The following WNK2 variants were observed in gnomAD, a reference collection of about 807,000 sequenced individuals.
WNK2 encodes WNK lysine deficient protein kinase 2.
Under a neutral mutation model 192.1 loss-of-function variants are expected in WNK2, and 67 were observed. That is an observed-to-expected ratio of 0.35 (90% CI 0.29 to 0.43). The LOEUF (loss-of-function observed/expected upper bound fraction) is 0.43, where lower values mean the gene tolerates loss of function less well. WNK2 is among the 20% of genes least tolerant of loss of function. The pLI is 1.00. For synonymous variants in WNK2, 1,439 were observed against 1,393.9 expected, an observed-to-expected ratio of 1.03 and a Z score of -0.72; for missense variants, 2,698 against 3,089.7, an observed-to-expected ratio of 0.87 and a Z score of 3.01.
chr9:93,263,680 G>A lies in WNK2; in HGVS notation c.3525G>A (p.Thr1175=), dbSNP rs116059211. The A allele has an allele frequency of 7.9e-4, 1,250 of 1,575,518 alleles. 15 individuals are homozygous for A. In the African/African-American group the frequency reaches 0.015, roughly 19 times the overall value. ...RAARKHHRRS[T]RARSRQERAS... ...CCCGAAAACACCACCGCAGGTCCAC[G>A]CGTGCGCGCTCCCGGCAGGAGAGGG... Residue 1175 remains threonine, a synonymous_variant, in exon 15 of 30, where the codon ACG becomes ACA. Transcript: ENST00000427277.
intron 27 of WNK2, 114 bp downstream of exon 27, chr9:93,306,935 C>T: frequency 7.6e-7 from 1 of 1,321,154 alleles, no homozygotes; most frequent in Non-Finnish European, 1.1e-6. Context: ...CTGTGCCTGC[C>T]CCGCGCCTGC....
intron 19 of WNK2, 133 bp downstream of exon 19, chr9:93,268,879 G>C: frequency 2.5e-6 from 4 of 1,572,022 alleles, no homozygotes; most frequent in Non-Finnish European, 3.5e-6. Flanking sequence ...CTCCCATGGC[G>C]CAGAGCAGCC....
intron 13 of WNK2, 46 bp downstream of exon 13, chr9:93,262,153 G>A: frequency 6.5e-7 from 1 of 1,529,796 alleles, no homozygotes; most frequent in Non-Finnish European, 8.8e-7. Flanking sequence ...GGCAGTTGCG[G>A]CCACCGGGGA....
At position 93,214,712 on chromosome 9, in the gene WNK2, G is replaced by A. The variant is rs978541555; in HGVS notation, c.682-14984G>A. On this transcript the variant is annotated intron_variant, in intron 2 of 29. Coordinates refer to ENST00000427277, the MANE Select transcript of WNK2 (RefSeq NM_006648.4). ...TGAAGGTAGTGCCCCCCCCCCCCCC[G>A]CCCTCTCTTTGCTGAGTTTAAGATA... is the stretch of plus-strand genomic sequence containing the variant. Among the ~76,000 whole-genome samples the A allele has an allele frequency of 1.8e-3, 91 of 50,562 alleles. 2 individuals are homozygous for A. The highest frequency in any genetic ancestry group is 0.027 in the Middle Eastern group (2 of 74). 33.2% of individuals were successfully genotyped at this position (50,562 alleles called of 152,430 possible). A position where few individuals can be genotyped will look rare whatever the true frequency, so the allele number is the denominator to read the frequency against.
In WNK2 at chr9:93,263,687, C is replaced by T. The variant is rs746795514; in HGVS notation, c.3532C>T (p.Arg1178Cys). 14 of 1,564,350 alleles carry T rather than the reference C, an allele frequency of 8.9e-6. No individual in the cohort carries two copies. Among genetic ancestry groups the T allele is most frequent in the Middle Eastern group, 1.7e-4 (1 of 5,998 alleles). Residue 1178 changes from arginine (R) to cysteine (C), a missense_variant, in exon 15 of 30, where the codon CGC (arginine) becomes TGC (cysteine). Coordinates refer to ENST00000427277, the MANE Select transcript of WNK2 (RefSeq NM_006648.4). ...ACACCACCGCAGGTCCACGCGTGCG[C>T]GCTCCCGGCAGGAGAGGGCCAGCCG... is the stretch of plus-strand genomic sequence containing the variant. ...RKHHRRSTRA[R>C]SRQERASRPR...
chr9:93,196,866 T>C (rs1350209934), intron 2 of WNK2, among the ~76,000 whole-genome samples: 2 of 152,194 alleles, frequency 1.3e-5, no homozygotes, highest in African/African-American at 2.4e-5. Context: ...ACTGTCAGTG[T>C]CTGTGTGTGC....
intron 7 of WNK2, among the ~76,000 whole-genome samples, chr9:93,244,527 AG>A (rs1243175923): frequency 3.9e-5 from 6 of 152,240 alleles, no homozygotes; most frequent in Non-Finnish European, 5.9e-5. Context: ...GACAGTCTCA[AG>A]GGAAAATGGG....
Position 93,253,069 on chromosome 9 carries a change from A to C in WNK2, c.2021A>C (p.Gln674Pro). Reference protein sequence around the residue: ...QSLPSLGAYQQPTAAPGLPVG... With the variant: ...QSLPSLGAYQPPTAAPGLPVG... ...CTGCCCTCGCTGGGGGCCTACCAGC[A>C]GCCCACGGCTGCAGTGAGTCAGAGC... is the stretch of plus-strand genomic sequence containing the variant. Residue 674 changes from glutamine (Q) to proline (P), a missense_variant, in exon 9 of 30, where the codon CAG becomes CCG. This residue lies in a region of WNK2 where 893 missense variants were observed against 909.0 expected (regional missense o/e 0.98). Coordinates refer to ENST00000427277, the MANE Select transcript of WNK2 (RefSeq NM_006648.4). 6.8e-7 allele frequency: 1 copy of C among 1,480,192 alleles called. No individual in the cohort carries two copies. The highest frequency in any genetic ancestry group is 2.6e-5 in the East Asian group (1 of 37,882). The allele number at this position is 1,480,192 out of a possible 1,614,324, so 91.7% of individuals were successfully genotyped here. A position where few individuals can be genotyped will look rare whatever the true frequency, so the allele number is the denominator to read the frequency against.
intron 23 of WNK2, 91 bp downstream of exon 23, chr9:93,293,264 T>C: frequency 2.3e-6 from 3 of 1,282,438 alleles, no homozygotes; most frequent in Non-Finnish European, 3.0e-6. Context: ...GGGGCTGAAG[T>C]CCTGGCCAAG....
chr9:93,271,119 G>A (rs936066274), intron 19 of WNK2, among the ~76,000 whole-genome samples: 1 of 152,184 alleles, frequency 6.6e-6, no homozygotes, highest in Non-Finnish European at 1.5e-5. Flanking sequence ...GGGCAACTGA[G>A]CTAATGAGTA....
intron 14 of WNK2, 136 bp from the exon 15 acceptor site, chr9:93,263,430 C>T (rs1465580619): frequency 4.1e-6 from 4 of 983,578 alleles, no homozygotes; most frequent in Non-Finnish European, 5.5e-6. Context: ...GGTATTCGCA[C>T]AGGACGGGCT....
At chr9:93,204,893 C>T (rs1227453635) in intron 2 of WNK2, among the ~76,000 whole-genome samples, 3 of 152,184 alleles carry the variant, frequency 2.0e-5, no homozygotes, top group African/African-American at 7.2e-5. Context: ...CCCTGTCCTG[C>T]CTGGCCCTGG....
chr9:93,305,325 G>A (rs896306983), intron 26 of WNK2, among the ~76,000 whole-genome samples: 5 of 152,138 alleles, frequency 3.3e-5, no homozygotes, highest in Non-Finnish European at 7.4e-5. Flanking sequence ...GACTTCAGGG[G>A]CCCCTCCTGC....
At chr9:93,304,138 A>G (rs1470596252) in intron 26 of WNK2, among the ~76,000 whole-genome samples, 1 of 152,192 alleles carries the variant, frequency 6.6e-6, no homozygotes, top group African/African-American at 2.4e-5. Context: ...ACACACCCTC[A>G]GTTTGAATCC....
At chr9:93,283,575 T>C (rs1265479128) in intron 19 of WNK2, among the ~76,000 whole-genome samples, 2 of 152,130 alleles carry the variant, frequency 1.3e-5, no homozygotes, top group African/African-American at 4.8e-5. Context: ...AAATAGAAAA[T>C]CTGAAAGGTG....
At chr9:93,246,539 G>A (rs1841731484) in intron 7 of WNK2, among the ~76,000 whole-genome samples, 1 of 152,316 alleles carries the variant, frequency 6.6e-6, no homozygotes, top group South Asian at 2.1e-4. Flanking sequence ...AAAGGTTCCT[G>A]TTGAAAATTT....
intron 2 of WNK2, among the ~76,000 whole-genome samples, chr9:93,215,433 G>C (rs1835576698): frequency 6.6e-6 from 1 of 152,106 alleles, no homozygotes; most frequent in African/African-American, 2.4e-5. Flanking sequence ...ATAATGTTTT[G>C]ATTTCATTAT....
chr9:93,281,134 A>G (rs1847669383), intron 19 of WNK2, among the ~76,000 whole-genome samples: 1 of 152,212 alleles, frequency 6.6e-6, no homozygotes, highest in Admixed American at 6.5e-5. Flanking sequence ...GAGGGTGATG[A>G]CTATGTTCAT....
chr9:93,233,158 AC>A (rs1839159876), intron 4 of WNK2, among the ~76,000 whole-genome samples: 1 of 144,676 alleles, frequency 6.9e-6, no homozygotes, highest in Non-Finnish European at 1.5e-5. Flanking sequence ...TGTTCATGCC[AC>A]TGCACTCGAG....
Sources: gnomAD v4.1 joint callset for allele counts (sites outside exome capture counted in the v4.1 genomes callset) on GRCh38, gnomAD v4.1.1 for gene constraint, gnomAD v4.1.1 regional missense constraint, MANE v1.5 for transcripts, NCBI Gene and HGNC (gene_info 2026-07-23, HGNC 2026-07-21) for gene names.